CTNNA3: variants seen among roughly 807,000 people sequenced by gnomAD.
The protein encoded by CTNNA3 is catenin alpha 3, also known as catenin alpha-3.
Under a neutral mutation model 95.7 loss-of-function variants are expected in CTNNA3, and 76 were observed. That is an observed-to-expected ratio of 0.79 (90% CI 0.66 to 0.96). The LOEUF (loss-of-function observed/expected upper bound fraction) is 0.96. Among genes scored for constraint, CTNNA3 ranks in the 40% least tolerant of loss-of-function variants. CTNNA3 has a pLI of 0.00. For synonymous variants in CTNNA3, 431 were observed against 374.4 expected (o/e 1.15, Z -1.74); for missense variants, 1,191 against 1,089.8 (o/e 1.09, Z -1.31).
chr10:65,978,716 T>C (rs1301752193), intron 16 of CTNNA3, among the ~76,000 whole-genome samples: 2 of 152,162 alleles, frequency 1.3e-5, no homozygotes, highest in African/African-American at 4.8e-5. Context: ...ATTCAACTAT[T>C]TTTTCTCTTT....
chr10:66,963,592 G>T (rs755551187), intron 7 of CTNNA3, among the ~76,000 whole-genome samples: 1 of 152,098 alleles, frequency 6.6e-6, no homozygotes, highest in Non-Finnish European at 1.5e-5. Flanking sequence ...GGGTAGAGAG[G>T]TTTACTGGGT....
rs1294417640 is a variant in CTNNA3 at position 67,124,742 on chromosome 10, CTTAAA to C, written c.1047+55570_1047+55574del. On this transcript the variant is annotated intron_variant, in intron 7 of 17. Transcript: ENST00000433211. The stretch of plus-strand genomic sequence containing the variant: ...TCATTTATAGCCTATTCAAAACTTA[CTTAAA>C]TTAATCATGAAACATTAAATGCAAA... Among the ~76,000 whole-genome samples, 7 of 152,304 alleles carry C rather than the reference CTTAAA, an allele frequency of 4.6e-5. No homozygotes were observed. In the East Asian group the frequency reaches 7.7e-4, roughly 17 times the overall value.
At chr10:67,151,400 C>A (rs993955007) in intron 7 of CTNNA3, among the ~76,000 whole-genome samples, 2 of 151,710 alleles carry the variant, frequency 1.3e-5, no homozygotes, top group Non-Finnish European at 2.9e-5. Context: ...AACGAGTTAA[C>A]AATAACATGA....
intron 2 of CTNNA3, among the ~76,000 whole-genome samples, chr10:67,621,688 G>T (rs887232026): frequency 6.0e-5 from 9 of 151,032 alleles, no homozygotes; most frequent in South Asian, 2.1e-4. Context: ...GGCAGAGATT[G>T]CAGTGAGCCA....
At chr10:66,688,624 G>A (rs935709504) in intron 9 of CTNNA3, among the ~76,000 whole-genome samples, 1 of 151,984 alleles carries the variant, frequency 6.6e-6, no homozygotes. Context: ...AAGATTTTTT[G>A]TTCATTTATT....
intron 13 of CTNNA3, among the ~76,000 whole-genome samples, chr10:66,210,180 T>G (rs1176826425): frequency 6.6e-6 from 1 of 151,866 alleles, no homozygotes; most frequent in Non-Finnish European, 1.5e-5. Context: ...TAAGGAATCT[T>G]TAGGCATTAA....
At chr10:67,249,411 C>G (rs1866021726) in intron 5 of CTNNA3, among the ~76,000 whole-genome samples, 1 of 152,134 alleles carries the variant, frequency 6.6e-6, no homozygotes. Context: ...TTACATACAT[C>G]ACATCCTATC....
In CTNNA3 at chr10:67,274,979, T is replaced by C. The variant is rs1243756202; in HGVS notation, c.580-55109A>G. Among the ~76,000 whole-genome samples, 6 of 152,176 alleles carry C rather than the reference T, an allele frequency of 3.9e-5. 1 individual carries two copies. Among genetic ancestry groups the C allele is most frequent in the African/African-American group, 1.4e-4 (6 of 41,440 alleles). On this transcript the variant is annotated intron_variant, in intron 5 of 17. Coordinates refer to ENST00000433211, the MANE Select transcript of CTNNA3 (RefSeq NM_013266.4). ...AAGCATTCATGAGACATTTACACTA[T>C]TGACCACCCACTAAGCCAGAAAGCA...
intron 12 of CTNNA3, among the ~76,000 whole-genome samples, chr10:66,350,112 C>T (rs947423818): frequency 7.2e-5 from 11 of 152,094 alleles, no homozygotes; most frequent in Admixed American, 2.0e-4. Flanking sequence ...TTCTAGATAG[C>T]AGGCATAAAT....
chr10:66,410,780 G>A (rs2132594357), intron 11 of CTNNA3, among the ~76,000 whole-genome samples: 2 of 152,300 alleles, frequency 1.3e-5, no homozygotes, highest in African/African-American at 4.8e-5. Flanking sequence ...CCATCTGCCA[G>A]AGATGTACTG....
At chr10:67,573,166 G>C (rs897384240) in intron 3 of CTNNA3, among the ~76,000 whole-genome samples, 1 of 152,136 alleles carries the variant, frequency 6.6e-6, no homozygotes, top group Non-Finnish European at 1.5e-5. Flanking sequence ...TGATTATCAT[G>C]ACATCATTAC....
At chr10:67,002,082 T>G (rs1753261190) in intron 7 of CTNNA3, among the ~76,000 whole-genome samples, 1 of 152,176 alleles carries the variant, frequency 6.6e-6, no homozygotes, top group Non-Finnish European at 1.5e-5. Context: ...GAGCTCAGTT[T>G]CTTCACCTAA....
At chr10:65,984,849 GTC>G (rs1011002006) in intron 16 of CTNNA3, among the ~76,000 whole-genome samples, 1 of 151,148 alleles carries the variant, frequency 6.6e-6, no homozygotes, top group Non-Finnish European at 1.5e-5. Context: ...AAGATTTAGT[GTC>G]TCTCATAAAA....
intron 16 of CTNNA3, among the ~76,000 whole-genome samples, chr10:65,987,210 A>T (rs947196336): frequency 6.6e-6 from 1 of 152,078 alleles, no homozygotes; most frequent in Non-Finnish European, 1.5e-5. Context: ...ATATCAAACT[A>T]AAAAGGTTTT....
chr10:67,165,525 T>C (rs1370362394), intron 7 of CTNNA3, among the ~76,000 whole-genome samples: 2 of 152,216 alleles, frequency 1.3e-5, no homozygotes, highest in African/African-American at 4.8e-5. Context: ...TCAATGTCCT[T>C]GTTTTGATAT....
At chr10:66,998,016 C>T (rs140382002) in intron 7 of CTNNA3, among the ~76,000 whole-genome samples, 319 of 152,304 alleles carry the variant, frequency 2.1e-3, no homozygotes, top group Admixed American at 3.5e-3. Flanking sequence ...GGCCTCCCTG[C>T]CCACCAGGCT....
intron 14 of CTNNA3, among the ~76,000 whole-genome samples, chr10:66,093,276 T>C: frequency 6.6e-6 from 1 of 152,044 alleles, no homozygotes; most frequent in East Asian, 1.9e-4. Flanking sequence ...ATCAAACTGC[T>C]CAAGTACACT....
intron 7 of CTNNA3, among the ~76,000 whole-genome samples, chr10:67,090,853 G>A (rs938861385): frequency 3.0e-4 from 46 of 151,932 alleles, no homozygotes; most frequent in Admixed American, 1.9e-3. Flanking sequence ...CATCTAGGCC[G>A]TCCCTGACAC....
At chr10:66,616,061 G>C (rs1844499890) in intron 10 of CTNNA3, among the ~76,000 whole-genome samples, 1 of 152,072 alleles carries the variant, frequency 6.6e-6, no homozygotes, top group East Asian at 1.9e-4. Flanking sequence ...CTTCCACCAG[G>C]TTGAGTATAA....
Sources: allele counts gnomAD v4.1 joint callset (sites outside exome capture counted in the v4.1 genomes callset), GRCh38; gene constraint gnomAD v4.1.1; transcripts MANE v1.5; gene names NCBI Gene and HGNC (gene_info 2026-07-23, HGNC 2026-07-21).